ANKS1B: variants seen among roughly 807,000 people sequenced by gnomAD.
The protein encoded by ANKS1B is ankyrin repeat and sterile alpha motif domain-containing protein 1B.
A neutral mutation model predicts 148.3 loss-of-function variants in ANKS1B; 36 were observed. That is an observed-to-expected ratio of 0.24 (90% CI 0.19 to 0.32). The LOEUF is 0.32. ANKS1B is among the 10% of genes least tolerant of loss of function. The probability of loss-of-function intolerance (pLI) is 1.00; values close to 1 mark genes in which losing one functional copy is unlikely to be tolerated. For synonymous variants in ANKS1B, 542 were observed against 560.8 expected (o/e 0.97, Z 0.47); for missense variants, 1,157 against 1,542.6 (o/e 0.75, Z 4.19).
At chr12:99,813,271 T>C (rs535549299) in intron 2 of ANKS1B, among the ~76,000 whole-genome samples, 212 of 151,678 alleles carry the variant, frequency 1.4e-3, no homozygotes, top group Admixed American at 2.4e-3. Flanking sequence ...AAAATATATG[T>C]CAACAATCAA....
At chr12:99,583,363 T>A (rs2097589458) in intron 9 of ANKS1B, among the ~76,000 whole-genome samples, 1 of 152,154 alleles carries the variant, frequency 6.6e-6, no homozygotes, top group Non-Finnish European at 1.5e-5. Context: ...CAGGATAGAA[T>A]GGGGAAGGAA....
intron 12 of ANKS1B, among the ~76,000 whole-genome samples, chr12:99,389,712 C>G (rs533946124): frequency 1.3e-5 from 2 of 152,184 alleles, no homozygotes; most frequent in South Asian, 4.2e-4. Flanking sequence ...AAGAAAATTT[C>G]AGGTAACAAA....
chr12:99,068,829 T>C (rs1261201062), intron 16 of ANKS1B, among the ~76,000 whole-genome samples: 6 of 152,120 alleles, frequency 3.9e-5, no homozygotes, highest in Non-Finnish European at 8.8e-5. Flanking sequence ...CTGTCTGAAG[T>C]GACTCCTTCA....
intron 12 of ANKS1B, among the ~76,000 whole-genome samples, chr12:99,352,598 G>A (rs867551695): frequency 7.2e-5 from 11 of 152,012 alleles, no homozygotes; most frequent in Admixed American, 2.0e-4. Context: ...CTTGTAATCC[G>A]TGTTGCATAC....
intron 12 of ANKS1B, among the ~76,000 whole-genome samples, chr12:99,264,955 A>G (rs184364374): frequency 8.5e-5 from 13 of 152,278 alleles, no homozygotes; most frequent in Non-Finnish European, 8.8e-5. Flanking sequence ...GGCCTAGTGT[A>G]GGGCTGTTCA....
chr12:98,881,535 T>C lies in ANKS1B; in HGVS notation c.2779-49399A>G, dbSNP rs572745247. Among the ~76,000 whole-genome samples, 27 of 152,306 alleles carry C rather than the reference T, an allele frequency of 1.8e-4. No individual in the cohort carries two copies. The South Asian group carries it at 2.9e-3, about 16-fold the overall frequency. On this transcript the variant is annotated intron_variant, in intron 17 of 26. Coordinates refer to ENST00000683438, the MANE Select transcript of ANKS1B (RefSeq NM_001352186.2). ...TGTTTTTTGATTCCACAGAATGTTATTCTTTCTGCTGTCATCAAAAAATAG... is the reference window on the plus strand; with the variant it reads ...TGTTTTTTGATTCCACAGAATGTTACTCTTTCTGCTGTCATCAAAAAATAG...
intron 22 of ANKS1B, among the ~76,000 whole-genome samples, chr12:98,795,838 GT>G (rs1445363874): frequency 2.6e-5 from 4 of 152,190 alleles, no homozygotes; most frequent in African/African-American, 9.7e-5. Context: ...CCTTGGGCAA[GT>G]GACTTAACTT....
intron 15 of ANKS1B, among the ~76,000 whole-genome samples, chr12:99,090,706 G>A (rs534201747): frequency 6.6e-6 from 1 of 152,220 alleles, no homozygotes; most frequent in African/African-American, 2.4e-5. Flanking sequence ...CTACCTCTCT[G>A]CTTCTATAAA....
intron 9 of ANKS1B, among the ~76,000 whole-genome samples, chr12:99,545,998 T>C (rs375247350): frequency 1.3e-5 from 2 of 152,026 alleles, no homozygotes; most frequent in Non-Finnish European, 1.5e-5. Flanking sequence ...AGAAGAATAC[T>C]GAAAAATGTA....
At chr12:99,522,293 A>T (rs1190628317) in intron 9 of ANKS1B, among the ~76,000 whole-genome samples, 2 of 152,020 alleles carry the variant, frequency 1.3e-5, no homozygotes, top group Non-Finnish European at 2.9e-5. Context: ...GCCCTGTGCC[A>T]CCTAAATTTA....
intron 12 of ANKS1B, among the ~76,000 whole-genome samples, chr12:99,269,720 G>A (rs952627727): frequency 1.3e-5 from 2 of 152,014 alleles, no homozygotes; most frequent in African/African-American, 2.4e-5. Flanking sequence ...CACCACGCCC[G>A]GCTAATTTTT....
intron 9 of ANKS1B, among the ~76,000 whole-genome samples, chr12:99,635,589 T>C (rs1210669956): frequency 3.9e-5 from 6 of 152,094 alleles, no homozygotes; most frequent in Non-Finnish European, 5.9e-5. Context: ...GTGGTTGCCA[T>C]TGACAGATAG....
intron 17 of ANKS1B, among the ~76,000 whole-genome samples, chr12:98,979,003 G>C (rs985627697): frequency 6.6e-6 from 1 of 151,672 alleles, no homozygotes; most frequent in East Asian, 2.0e-4. Context: ...TTAGCCAGGC[G>C]TGGTGGCGGG....
Position 99,750,200 on chromosome 12 carries a change from C to G in ANKS1B, c.1128+22722G>C, listed in dbSNP as rs141656114. 5.9e-5 allele frequency among the ~76,000 whole-genome samples: 9 copies of G among 152,020 alleles called. No individual in the cohort carries two copies. The East Asian group carries it at 1.7e-3, about 29-fold the overall frequency. Reference sequence around the variant, plus strand: ...TAACTTTTTATGTGAGTGAATGCATCAAAAATTATGTGTAAGTGTTCAAGA... The same window carrying G: ...TAACTTTTTATGTGAGTGAATGCATGAAAAATTATGTGTAAGTGTTCAAGA... On this transcript the variant is annotated intron_variant, in intron 8 of 26. Coordinates refer to ENST00000683438, the MANE Select transcript of ANKS1B (RefSeq NM_001352186.2).
intron 1 of ANKS1B, among the ~76,000 whole-genome samples, chr12:99,836,627 A>G (rs960448856): frequency 1.3e-5 from 2 of 152,196 alleles, no homozygotes; most frequent in Non-Finnish European, 2.9e-5. Context: ...TAGAATATGA[A>G]AAGAATTTGT....
chr12:99,634,537 A>G (rs1405547699), intron 9 of ANKS1B, among the ~76,000 whole-genome samples: 2 of 152,240 alleles, frequency 1.3e-5, no homozygotes, highest in Admixed American at 1.3e-4. Context: ...AGAGACTTGA[A>G]AACAGAAATT....
At chr12:99,769,523 C>G (rs779198317) in intron 8 of ANKS1B, among the ~76,000 whole-genome samples, 3 of 152,146 alleles carry the variant, frequency 2.0e-5, no homozygotes, top group African/African-American at 2.4e-5. Flanking sequence ...AGAATTTATT[C>G]TCAGGATCAA....
chr12:98,743,383 T>C (rs1333872199), downstream of ANKS1B, among the ~76,000 whole-genome samples: 1 of 152,204 alleles, frequency 6.6e-6, no homozygotes, highest in East Asian at 1.9e-4. Context: ...AAGAAACAAT[T>C]AAATGGAGTA....
chr12:99,119,048 C>A (rs1011148518), intron 15 of ANKS1B, among the ~76,000 whole-genome samples: 4 of 152,138 alleles, frequency 2.6e-5, no homozygotes, highest in Admixed American at 1.3e-4. Flanking sequence ...AGATCCTAAT[C>A]CCTGGAACCT....
Sources: allele counts gnomAD v4.1 joint callset (sites outside exome capture counted in the v4.1 genomes callset), GRCh38; gene constraint gnomAD v4.1.1; transcripts MANE v1.5; gene names NCBI Gene and HGNC (gene_info 2026-07-23, HGNC 2026-07-21).